Variants in THEMIS observed in about 807,000 individuals in gnomAD.
The protein encoded by THEMIS is protein THEMIS.
A neutral mutation model predicts 52.6 loss-of-function variants in THEMIS; 37 were observed. The observed-to-expected ratio is 0.70, with a 90% CI of 0.54 to 0.93. The LOEUF (loss-of-function observed/expected upper bound fraction) is 0.93. Ranked by LOEUF, THEMIS falls within the 40% of genes least tolerant of loss-of-function variation. The pLI is 0.00. For synonymous variants in THEMIS, 292 were observed against 272.7 expected (o/e 1.07, Z -0.70); for missense variants, 808 against 763.1 (o/e 1.06, Z -0.69).
chr6:127,831,500 T>G (rs1778697354), intron 2 of THEMIS, among the ~76,000 whole-genome samples: 2 of 152,168 alleles, frequency 1.3e-5, no homozygotes, highest in African/African-American at 4.8e-5. Context: ...AAAAAGTCAT[T>G]TATTATTTTG....
rs577550278 is a variant in THEMIS at position 127,869,452 on chromosome 6, C to A, written c.92-14264G>T. 2.0e-5 allele frequency among the ~76,000 whole-genome samples: 3 copies of A among 152,294 alleles called. No individual in the cohort carries two copies. In the East Asian group the frequency reaches 5.8e-4, roughly 29 times the overall value. ...CCCGACATCCAAAGAGAGTATCACA[C>A]TACATATTGTGGGACCAGGAGAAGA... is the stretch of plus-strand genomic sequence containing the variant. On this transcript the variant is annotated intron_variant, in intron 1 of 5. Coordinates refer to ENST00000368248, the MANE Select transcript of THEMIS (RefSeq NM_001010923.3).
At chr6:127,886,700 T>C (rs958499018) in intron 1 of THEMIS, among the ~76,000 whole-genome samples, 8 of 152,116 alleles carry the variant, frequency 5.3e-5, no homozygotes, top group Admixed American at 4.6e-4. Flanking sequence ...TTGAAACTAC[T>C]TTGTAAATGT....
intron 4 of THEMIS, among the ~76,000 whole-genome samples, chr6:127,805,215 A>G (rs1777660997): frequency 6.6e-6 from 1 of 152,104 alleles, no homozygotes; most frequent in African/African-American, 2.4e-5. Context: ...AAGGAGACCA[A>G]TGGTAAATAT....
intron 1 of THEMIS, among the ~76,000 whole-genome samples, chr6:127,889,404 G>C (rs549399931): frequency 4.3e-4 from 66 of 152,188 alleles, no homozygotes; most frequent in African/African-American, 1.6e-3. Flanking sequence ...GGACAAGATA[G>C]CACAAGTCAA....
At chr6:127,793,579 G>T (rs1777226713) in intron 4 of THEMIS, among the ~76,000 whole-genome samples, 1 of 152,182 alleles carries the variant, frequency 6.6e-6, no homozygotes, top group Non-Finnish European at 1.5e-5. Flanking sequence ...AACAGGGAAT[G>T]CACCAAGAAG....
At chr6:127,787,608 T>A (rs1776995360) in intron 4 of THEMIS, among the ~76,000 whole-genome samples, 1 of 152,158 alleles carries the variant, frequency 6.6e-6, no homozygotes, top group Non-Finnish European at 1.5e-5. Context: ...CTGGGATCTG[T>A]TTTTTGAATG....
chr6:127,869,247 C>A (rs1465405239), intron 1 of THEMIS, among the ~76,000 whole-genome samples: 5 of 152,198 alleles, frequency 3.3e-5, no homozygotes, highest in Non-Finnish European at 7.3e-5. Context: ...TGAAAATGCA[C>A]TTAATACATA....
chr6:127,717,166 TACTA>T (rs780655007), intron 5 of THEMIS, among the ~76,000 whole-genome samples: 14 of 151,176 alleles, frequency 9.3e-5, no homozygotes, highest in Non-Finnish European at 1.9e-4. Flanking sequence ...TTATGTACTC[TACTA>T]ACTTTTACCT....
chr6:127,788,051 A>T lies in THEMIS; in HGVS notation c.1758+24832T>A, dbSNP rs143743701. Among the ~76,000 whole-genome samples the T allele has an allele frequency of 8.2e-3, 1,248 of 152,294 alleles. 10 individuals carry two copies. The highest frequency in any genetic ancestry group is 0.014 in the Non-Finnish European group (923 of 68,004). ...TATCCTGCACAGACAAGAGTTGAGT[A>T]TACCACCATGGACTCACAAACTATG... On this transcript the variant is annotated intron_variant, in intron 4 of 5. Transcript: ENST00000368248.
At chr6:127,788,788 C>G (rs1297621277) in intron 4 of THEMIS, among the ~76,000 whole-genome samples, 3 of 152,068 alleles carry the variant, frequency 2.0e-5, no homozygotes, top group Non-Finnish European at 4.4e-5. Context: ...TCCCTACTCT[C>G]CAGGAAGACA....
At chr6:127,892,037 C>A (rs922137579) in intron 1 of THEMIS, among the ~76,000 whole-genome samples, 2 of 152,150 alleles carry the variant, frequency 1.3e-5, no homozygotes, top group Non-Finnish European at 2.9e-5. Flanking sequence ...AAAATCATTT[C>A]TTCAGAGTGG....
At chr6:127,746,937 A>G (rs1319578815) in intron 4 of THEMIS, among the ~76,000 whole-genome samples, 1 of 82,952 alleles carries the variant, frequency 1.2e-5, no homozygotes, top group Non-Finnish European at 2.1e-5. Context: ...ATCTATAATT[A>G]TATTATATAT....
chr6:127,855,275 T>A, intron 1 of THEMIS, 87 bp from the exon 2 acceptor site: 1 of 1,160,004 alleles, frequency 8.6e-7, no homozygotes, highest in Non-Finnish European at 1.2e-6. Context: ...TAAAGTGTTT[T>A]AATTCAGTTC....
chr6:127,908,557 G>T (rs1451341771), intron 1 of THEMIS, among the ~76,000 whole-genome samples: 1 of 152,094 alleles, frequency 6.6e-6, no homozygotes, highest in African/African-American at 2.4e-5. Flanking sequence ...GTGAATGTTG[G>T]TGTTACCGTA....
intron 3 of THEMIS, among the ~76,000 whole-genome samples, chr6:127,819,853 A>G (rs928754496): frequency 1.3e-5 from 2 of 152,196 alleles, no homozygotes; most frequent in African/African-American, 4.8e-5. Flanking sequence ...AGAAAGGAAG[A>G]GTGCTGGAGA....
intron 4 of THEMIS, among the ~76,000 whole-genome samples, chr6:127,777,388 C>T (rs1349217524): frequency 6.6e-6 from 1 of 151,892 alleles, no homozygotes; most frequent in African/African-American, 2.4e-5. Context: ...AATATTATGC[C>T]ACTTTGATAT....
At chr6:127,697,325 G>A in the THEMIS span, among the ~76,000 whole-genome samples, 1 of 152,084 alleles carries the variant, frequency 6.6e-6, no homozygotes, top group Non-Finnish European at 1.5e-5. Flanking sequence ...TACAAAATTT[G>A]ATTCTCATTC....
At position 127,851,958 on chromosome 6, in the gene THEMIS, A is replaced by G. The variant is rs1033819565; in HGVS notation, c.250+3072T>C. ...GATGTATGCTTTCTATGGAATGCAT[A>G]TTGCTTTTGCATCATGGTAAAGCTG... On this transcript the variant is annotated intron_variant, in intron 2 of 5. Coordinates refer to ENST00000368248, the MANE Select transcript of THEMIS (RefSeq NM_001010923.3). Among the ~76,000 whole-genome samples, 3 of 151,636 alleles carry G rather than the reference A, an allele frequency of 2.0e-5. No individual in the cohort carries two copies. The South Asian group carries it at 6.2e-4, about 31-fold the overall frequency.
chr6:127,917,315 C>A (rs1478964755), intron 1 of THEMIS, among the ~76,000 whole-genome samples: 3 of 152,188 alleles, frequency 2.0e-5, no homozygotes, highest in Non-Finnish European at 4.4e-5. Context: ...CTTCTAGTAA[C>A]AACTTCTATA....
Sources: gnomAD v4.1 joint callset for allele counts (sites outside exome capture counted in the v4.1 genomes callset) on GRCh38, gnomAD v4.1.1 for gene constraint, MANE v1.5 for transcripts, NCBI Gene and HGNC (gene_info 2026-07-23, HGNC 2026-07-21) for gene names.